The following MAPKBP1 variants were observed in gnomAD, a reference collection of about 807,000 sequenced individuals.
MAPKBP1 encodes the protein mitogen-activated protein kinase-binding protein 1.
A neutral mutation model predicts 170.5 loss-of-function variants in MAPKBP1; 71 were observed. That is an observed-to-expected ratio of 0.42 (90% CI 0.34 to 0.51). MAPKBP1 has a LOEUF of 0.51. Among genes scored for constraint, MAPKBP1 ranks in the 20% least tolerant of loss-of-function variants. MAPKBP1 has a pLI of 0.06. For synonymous variants in MAPKBP1, 719 were observed against 757.9 expected (o/e 0.95, Z 0.84); for missense variants, 1,598 against 1,933.0 (o/e 0.83, Z 3.25).
intron 2 of MAPKBP1, among the ~76,000 whole-genome samples, chr15:41,794,204 C>T (rs561890778): frequency 2.0e-5 from 3 of 152,170 alleles, no homozygotes; most frequent in Admixed American, 6.5e-5. Flanking sequence ...TGCACTCCAG[C>T]CTGGGTGACA....
rs529043902 is a variant in MAPKBP1, at chr15:41,783,287, A to G, written c.114+7898A>G. Among the ~76,000 whole-genome samples the G allele has an allele frequency of 3.3e-5, 5 of 152,250 alleles. No homozygotes were observed. The South Asian group carries it at 8.3e-4, about 25-fold the overall frequency. On this transcript the variant is annotated intron_variant, in intron 2 of 30. Transcript: ENST00000457542. ...CACTGTTTTGTTATCTCTTGTTAGC[A>G]TACAACTGACCTTGTTTTTGAAGCT...
chr15:41,792,490 G>A (rs1350697871), intron 2 of MAPKBP1, among the ~76,000 whole-genome samples: 1 of 152,116 alleles, frequency 6.6e-6, no homozygotes, highest in Admixed American at 6.5e-5. Flanking sequence ...TCACAGTTTG[G>A]GTATTCTCCA....
chr15:41,788,582 G>A (rs993034057), intron 2 of MAPKBP1, among the ~76,000 whole-genome samples: 1 of 152,166 alleles, frequency 6.6e-6, no homozygotes, highest in Non-Finnish European at 1.5e-5. Flanking sequence ...TCGAAGGAAA[G>A]GTAGGATTTC....
chr15:41,806,884 C>G (rs1339400353), intron 3 of MAPKBP1, among the ~76,000 whole-genome samples: 2 of 152,174 alleles, frequency 1.3e-5, no homozygotes, highest in African/African-American at 4.8e-5. Flanking sequence ...CTCCTTGGTG[C>G]TTTTGAGAAC....
At chr15:41,774,727 TG>T in intron 1 of MAPKBP1, 117 bp downstream of exon 1, 1 of 398,536 alleles carries the variant, frequency 2.5e-6, no homozygotes, top group South Asian at 1.3e-4. Context: ...GGATAGGGAG[TG>T]GGGGAGGGAG....
At chr15:41,793,871 G>A (rs2064437399) in intron 2 of MAPKBP1, among the ~76,000 whole-genome samples, 1 of 152,224 alleles carries the variant, frequency 6.6e-6, no homozygotes, top group Non-Finnish European at 1.5e-5. Flanking sequence ...TGGTGGTTCT[G>A]TGACATGTCA....
chr15:41,813,852 A>C, intron 9 of MAPKBP1, 71 bp downstream of exon 9: 1 of 1,485,144 alleles, frequency 6.7e-7, no homozygotes, highest in Non-Finnish European at 9.0e-7. Context: ...TCAGTGCCTC[A>C]GGGAGCAGGT....
At chr15:41,808,201 G>T (rs1174148446) in intron 3 of MAPKBP1, among the ~76,000 whole-genome samples, 1 of 149,434 alleles carries the variant, frequency 6.7e-6, no homozygotes, top group Non-Finnish European at 1.5e-5. Flanking sequence ...CCGCCTCCTG[G>T]GTTCACGCCA....
In MAPKBP1 at chr15:41,799,828, C is replaced by T. The variant is rs1210277664; in HGVS notation, c.120C>T (p.Thr40=). Residue 40 remains threonine, a synonymous_variant, in exon 3 of 31, where the codon ACC becomes ACT. Coordinates refer to ENST00000457542, the MANE Select transcript of MAPKBP1 (RefSeq NM_014994.3). ...NRREDLSSKV[T]LEKVLGITVS... is the part of the protein sequence containing the mutation. ...CTTCTCTCTTCCTCTAACAGGTGAC[C>T]TTGGAGAAGGTGCTGGGAATTACAG... The T allele has an allele frequency of 1.9e-6, 3 of 1,613,800 alleles. No homozygotes were observed. The South Asian group carries it at 3.3e-5, about 18-fold the overall frequency.
At chr15:41,807,371 A>ATT (rs2064717345) in intron 3 of MAPKBP1, among the ~76,000 whole-genome samples, 1 of 152,206 alleles carries the variant, frequency 6.6e-6, no homozygotes, top group South Asian at 2.1e-4. Context: ...CTACCCTTTA[A>ATT]AGGCTGAAAT....
In MAPKBP1 at chr15:41,827,604, T is replaced by C. The variant is rs1361664122; in HGVS notation, c.*2168T>C. 6.6e-6 allele frequency: 1 copy of C among 152,614 alleles called. No individual in the cohort carries two copies. Among genetic ancestry groups the C allele is most frequent in the Non-Finnish European group, 1.5e-5 (1 of 68,280 alleles). 9.5% of individuals were successfully genotyped at this position (152,614 alleles called of 1,614,324 possible). On this transcript the variant is annotated 3_prime_UTR_variant, in exon 31 of 31. Transcript: ENST00000457542. Reference sequence around the variant, plus strand: ...CGCCCTTTTCCTGCCCTCTGCCCCATGTGGGTGGGGGGCCTCGTGGCCCGG... The same window carrying C: ...CGCCCTTTTCCTGCCCTCTGCCCCACGTGGGTGGGGGGCCTCGTGGCCCGG...
chr15:41,816,906 C>T lies in MAPKBP1; in HGVS notation c.1586-4C>T. ...ATGGGCTGATGGAGTTCTTTCATCC[C>T]CAGGTCTGAAACTGCTAGCATCGGC... is the stretch of plus-strand genomic sequence containing the variant. On this transcript the variant is annotated splice_region_variant and splice_polypyrimidine_tract_variant and intron_variant, in intron 13 of 30. Coordinates refer to ENST00000457542, the MANE Select transcript of MAPKBP1 (RefSeq NM_014994.3). 1 of 1,601,420 alleles carries T rather than the reference C, an allele frequency of 6.2e-7. No homozygotes were observed. Among genetic ancestry groups the T allele is most frequent in the Non-Finnish European group, 8.5e-7 (1 of 1,172,614 alleles).
intron 2 of MAPKBP1, among the ~76,000 whole-genome samples, chr15:41,778,885 T>A (rs947931925): frequency 6.6e-6 from 1 of 152,214 alleles, no homozygotes; most frequent in Non-Finnish European, 1.5e-5. Context: ...GCTAGATTTT[T>A]AAAAAGTAAC....
intron 21 of MAPKBP1, 44 bp from the exon 22 acceptor site, chr15:41,819,551 G>GGGGC: frequency 1.3e-6 from 2 of 1,515,398 alleles, no homozygotes; most frequent in African/African-American, 2.8e-5. Flanking sequence ...GGGTGGCGGG[G>GGGGC]GGGGGGCAGG....
At chr15:41,814,304 A>G (rs1366946034) in intron 9 of MAPKBP1, among the ~76,000 whole-genome samples, 2 of 152,176 alleles carry the variant, frequency 1.3e-5, no homozygotes, top group South Asian at 2.1e-4. Context: ...CATCACAGCC[A>G]TAGAAGTACC....
chr15:41,794,198 C>A (rs909076218), intron 2 of MAPKBP1, among the ~76,000 whole-genome samples: 1 of 152,184 alleles, frequency 6.6e-6, no homozygotes, highest in Non-Finnish European at 1.5e-5. Flanking sequence ...CCCCACTGCA[C>A]TCCAGCCTGG....
intron 2 of MAPKBP1, among the ~76,000 whole-genome samples, chr15:41,786,540 G>A (rs777860622): frequency 2.0e-5 from 3 of 151,440 alleles, no homozygotes; most frequent in Non-Finnish European, 2.9e-5. Context: ...CAAGGCGGGC[G>A]GATCACAAGG....
At chr15:41,815,897 C>T in intron 12 of MAPKBP1, 98 bp downstream of exon 12, 1 of 1,237,750 alleles carries the variant, frequency 8.1e-7, no homozygotes, top group Non-Finnish European at 1.1e-6. Flanking sequence ...GATTGGGCAA[C>T]AAGATACTTA....
rs1172160675 is a variant in MAPKBP1 at position 41,818,628 on chromosome 15, A to G, written c.2156+46A>G. On this transcript the variant is annotated intron_variant, in intron 19 of 30. Transcript: ENST00000457542. This position sits in a 1 kb window ranked among gnomAD's most constrained non-coding sequence, Gnocchi z 5.2. The stretch of plus-strand genomic sequence containing the variant: ...CTGAGAGGCAGATTCTTACTCTGCC[A>G]CAGCACCCTGCCCTCCCCTCTCTCC... 1.3e-6 allele frequency: 2 copies of G among 1,559,142 alleles called. No homozygotes were observed. Among genetic ancestry groups the G allele is most frequent in the Non-Finnish European group, 1.8e-6 (2 of 1,137,346 alleles).
Sources: allele counts gnomAD v4.1 joint callset (sites outside exome capture counted in the v4.1 genomes callset), GRCh38; gene constraint gnomAD v4.1.1; non-coding constraint Gnocchi (gnomAD v3.1); transcripts MANE v1.5; gene names NCBI Gene and HGNC (gene_info 2026-07-23, HGNC 2026-07-21).